TPTE2: variants seen among roughly 807,000 people sequenced by gnomAD.
TPTE2 encodes phosphatidylinositol 3,4,5-trisphosphate 3-phosphatase TPTE2.
In TPTE2, 53 loss-of-function variants were observed where a neutral mutation model predicts 78.6. The observed-to-expected ratio is 0.67, with a 90% CI of 0.54 to 0.85. The LOEUF is 0.85. Ranked by LOEUF, TPTE2 falls within the 40% of genes least tolerant of loss-of-function variation. TPTE2 has a pLI of 0.00. For missense variants in TPTE2, 461 were observed against 623.0 expected (o/e 0.74, Z 2.77); for synonymous variants, 175 against 206.2 (o/e 0.85, Z 1.30).
chr13:19,540,311 G>GTATTATT (rs1566083225), upstream of TPTE2, among the ~76,000 whole-genome samples: 2 of 47,254 alleles, frequency 4.2e-5, no homozygotes, highest in Non-Finnish European at 6.2e-5. Flanking sequence ...TATTATTATG[G>GTATTATT]TTTTTTTTAA....
At position 19,465,256 on chromosome 13, in the gene TPTE2, T is replaced by G. The variant is rs112928436; in HGVS notation, c.675A>C (p.Thr225=). Reference sequence around the variant, plus strand: ...AATCAACCATTAAGTGTCACAAACCTGTAACGTAAGTGAGGTCTAGGTCAA... The same window carrying G: ...AATCAACCATTAAGTGTCACAAACCGGTAACGTAAGTGAGGTCTAGGTCAA... The change falls in exon 9 of 20, where the codon ACA becomes ACC. Residue 225 remains threonine (T), a splice_region_variant and synonymous_variant. Transcript: ENST00000400230. 37 of 1,613,894 alleles carry G rather than the reference T, an allele frequency of 2.3e-5. No homozygotes were observed. In the African/African-American group the frequency reaches 3.3e-4, roughly 15 times the overall value.
At chr13:19,460,872 A>T (rs1305242158) in intron 10 of TPTE2, among the ~76,000 whole-genome samples, 1 of 152,190 alleles carries the variant, frequency 6.6e-6, no homozygotes, top group Non-Finnish European at 1.5e-5. Context: ...TTAGTCATCC[A>T]CAGAGCCTAA....
chr13:19,482,683 G>C (rs1419591165), intron 3 of TPTE2, 136 bp from the exon 7 acceptor site: 2 of 1,063,818 alleles, frequency 1.9e-6, no homozygotes, highest in Non-Finnish European at 2.6e-6. Flanking sequence ...CTCACTGGAA[G>C]ACCTAATATT....
At chr13:19,474,216 G>A in intron 5 of TPTE2, 141 bp from the exon 9 acceptor site, 1 of 883,854 alleles carries the variant, frequency 1.1e-6, no homozygotes. Context: ...AAGCTGCCCA[G>A]TGGCAGGAAA....
chr13:19,479,332 G>T (rs1025495248), intron 4 of TPTE2, among the ~76,000 whole-genome samples: 2 of 152,010 alleles, frequency 1.3e-5, no homozygotes, highest in African/African-American at 4.8e-5. Flanking sequence ...TCTTTCACAG[G>T]TACATCTCGA....
chr13:19,555,803 C>CT, the TPTE2 span, among the ~76,000 whole-genome samples: 1,465 of 81,054 alleles, frequency 0.018, 187 homozygotes, highest in African/African-American at 0.051. Flanking sequence ...CAACAAATTT[C>CT]TTTTTTTTTT....
At chr13:19,542,870 G>T in the TPTE2 span, among the ~76,000 whole-genome samples, 1 of 151,712 alleles carries the variant, frequency 6.6e-6, no homozygotes, top group Non-Finnish European at 1.5e-5. Flanking sequence ...GTGAGCCTAT[G>T]GTCCCAGCTA....
intron 10 of TPTE2, among the ~76,000 whole-genome samples, chr13:19,461,993 T>C (rs1471402174): frequency 6.6e-6 from 1 of 151,358 alleles, no homozygotes; most frequent in African/African-American, 2.4e-5. Flanking sequence ...GGGAATTTGA[T>C]CTGTTTACAT....
chr13:19,560,721 G>A, the TPTE2 span: 4 of 1,486,234 alleles, frequency 2.7e-6, no homozygotes, highest in Admixed American at 1.7e-5. Flanking sequence ...CTGTCGTCTG[G>A]GGGCCTCCAG....
intron 4 of TPTE2, among the ~76,000 whole-genome samples, chr13:19,479,345 T>G (rs1423087036): frequency 6.6e-6 from 1 of 151,892 alleles, no homozygotes; most frequent in African/African-American, 2.4e-5. Context: ...CATCTCGATA[T>G]TGATGGAAAA....
chr13:19,525,941 G>C (rs192679562), intron 1 of TPTE2, among the ~76,000 whole-genome samples: 2 of 152,076 alleles, frequency 1.3e-5, no homozygotes, highest in African/African-American at 4.8e-5. Context: ...ATGAAAAAAT[G>C]CTCAACATCA....
At chr13:19,490,018 T>C (rs111566555) in intron 3 of TPTE2, among the ~76,000 whole-genome samples, 3,740 of 152,262 alleles carry the variant, frequency 0.025, 65 homozygotes, top group Middle Eastern at 0.051. Flanking sequence ...ACTCTGAAAA[T>C]GTATATGTCA....
intron 13 of TPTE2, among the ~76,000 whole-genome samples, chr13:19,442,972 G>C (rs1877588792): frequency 6.6e-6 from 1 of 151,716 alleles, no homozygotes; most frequent in Non-Finnish European, 1.5e-5. Context: ...ACTTAAGAAG[G>C]AAAAAAATCA....
chr13:19,503,282 A>G, upstream of TPTE2: 1 of 1,613,572 alleles, frequency 6.2e-7, no homozygotes. Flanking sequence ...GGTGGACTAG[A>G]GGATGACAAA....
At chr13:19,546,224 G>A in the TPTE2 span, among the ~76,000 whole-genome samples, 15 of 152,038 alleles carry the variant, frequency 9.9e-5, no homozygotes, top group Non-Finnish European at 7.4e-5. Flanking sequence ...AAAAACCTGT[G>A]CACGGCTGTT....
At chr13:19,524,503 C>G (rs1005299755) in intron 1 of TPTE2, among the ~76,000 whole-genome samples, 1 of 152,046 alleles carries the variant, frequency 6.6e-6, no homozygotes, top group Non-Finnish European at 1.5e-5. Context: ...CAAATATGAG[C>G]TATTTCTAAA....
the TPTE2 span, among the ~76,000 whole-genome samples, chr13:19,551,494 G>C: frequency 1.3e-5 from 2 of 152,210 alleles, no homozygotes; most frequent in South Asian, 4.2e-4. Flanking sequence ...GCTTGGGATT[G>C]AGAATTGCTT....
rs575061495 is a variant in TPTE2 at position 19,463,436 on chromosome 13, T to C, written c.741+1020A>G. 6.6e-5 allele frequency among the ~76,000 whole-genome samples: 10 copies of C among 152,350 alleles called. No individual in the cohort carries two copies. In the South Asian group the frequency reaches 1.4e-3, roughly 22 times the overall value. ...GTCTATCTGTATTCTCTGTATCTCA[T>C]AGTTTCCTGAAGATCATTATTTTGA... is the stretch of plus-strand genomic sequence containing the variant. On this transcript the variant is annotated intron_variant, in intron 10 of 19. Transcript: ENST00000400230.
chr13:19,543,071 T>A, the TPTE2 span, among the ~76,000 whole-genome samples: 2 of 151,354 alleles, frequency 1.3e-5, no homozygotes, highest in Non-Finnish European at 2.9e-5. Flanking sequence ...TTTTTTTTTT[T>A]AATTAAGACA....
Sources: gnomAD v4.1 joint callset for allele counts (sites outside exome capture counted in the v4.1 genomes callset) on GRCh38, gnomAD v4.1.1 for gene constraint, MANE v1.5 for transcripts, NCBI Gene and HGNC (gene_info 2026-07-23, HGNC 2026-07-21) for gene names.